The following CDK5RAP2 variants were observed in gnomAD, a reference collection of about 807,000 sequenced individuals.
CDK5RAP2 encodes the protein CDK5 regulatory subunit-associated protein 2.
A neutral mutation model predicts 232.9 loss-of-function variants in CDK5RAP2; 147 were observed. The observed-to-expected ratio is 0.63, with a 90% CI of 0.55 to 0.72. The LOEUF is 0.72. Ranked by LOEUF, CDK5RAP2 falls within the 30% of genes least tolerant of loss-of-function variation. CDK5RAP2 has a pLI of 0.00. For missense variants in CDK5RAP2, 2,195 were observed against 2,231.5 expected, an observed-to-expected ratio of 0.98 and a Z score of 0.33; for synonymous variants, 833 against 833.7, an observed-to-expected ratio of 1.00 and a Z score of 0.01.
At chr9:120,504,604 A>C (rs749570757) in intron 12 of CDK5RAP2, among the ~76,000 whole-genome samples, 1 of 152,094 alleles carries the variant, frequency 6.6e-6, no homozygotes, top group Non-Finnish European at 1.5e-5. Flanking sequence ...CACCCCACTA[A>C]ACCACATGTA....
intron 23 of CDK5RAP2, chr9:120,440,291 A>G (rs2035825725): frequency 2.6e-6 from 1 of 379,204 alleles, no homozygotes; most frequent in Non-Finnish European, 5.0e-6. Flanking sequence ...CAGTATCTAC[A>G]TGAGACCTTC....
intron 1 of CDK5RAP2, among the ~76,000 whole-genome samples, chr9:120,575,345 G>C (rs1389190982): frequency 6.6e-6 from 1 of 152,122 alleles, no homozygotes; most frequent in Admixed American, 6.5e-5. Context: ...GAGCCACCGC[G>C]CCCAGCTGTA....
Position 120,518,580 on chromosome 9 carries a change from T to C in CDK5RAP2, c.1158A>G (p.Gln386=). The C allele has an allele frequency of 6.2e-7, 1 of 1,613,748 alleles. No individual in the cohort carries two copies. Among genetic ancestry groups the C allele is most frequent in the Non-Finnish European group, 8.5e-7 (1 of 1,179,970 alleles). Residue 386 remains glutamine (Q), a synonymous_variant, in exon 12 of 38, where the codon CAA becomes CAG. Transcript: ENST00000349780. ...KEALSAALRS[Q]NLTKSTENHR... is the part of the protein sequence containing the mutation. ...GGTTCTCTGTACTCTTGGTGAGGTTTTGTGAGCGCAGCGCAGCCGAAAGGG... is the reference window on the plus strand; with the variant it reads ...GGTTCTCTGTACTCTTGGTGAGGTTCTGTGAGCGCAGCGCAGCCGAAAGGG...
At chr9:120,560,710 G>A (rs541432361) in intron 3 of CDK5RAP2, among the ~76,000 whole-genome samples, 24 of 152,152 alleles carry the variant, frequency 1.6e-4, no homozygotes, top group African/African-American at 4.6e-4. Flanking sequence ...TCCGCCTTCC[G>A]GGCTCAAGCG....
intron 31 of CDK5RAP2, 55 bp downstream of exon 31, chr9:120,408,292 G>T: frequency 6.2e-7 from 1 of 1,608,482 alleles, no homozygotes; most frequent in South Asian, 1.1e-5. Flanking sequence ...GCCAGCTGTC[G>T]GGTGGTCTTA....
chr9:120,499,627 C>T (rs1003681006), intron 12 of CDK5RAP2, among the ~76,000 whole-genome samples: 2 of 151,878 alleles, frequency 1.3e-5, no homozygotes, highest in African/African-American at 4.8e-5. Flanking sequence ...AACAGCCAGA[C>T]CAAGAACCTA....
intron 35 of CDK5RAP2, among the ~76,000 whole-genome samples, chr9:120,398,877 T>G (rs558799257): frequency 4.5e-4 from 69 of 152,304 alleles, no homozygotes; most frequent in African/African-American, 1.5e-3. Context: ...GAAAACCAGA[T>G]AGTTCAAAAA....
At chr9:120,579,527 G>A (rs2132259872) in intron 1 of CDK5RAP2, among the ~76,000 whole-genome samples, 1 of 152,234 alleles carries the variant, frequency 6.6e-6, no homozygotes. Context: ...GGGCATACCG[G>A]CTACACTCTC....
intron 3 of CDK5RAP2, 64 bp downstream of exon 3, chr9:120,568,257 G>T: frequency 1.6e-6 from 2 of 1,269,070 alleles, no homozygotes; most frequent in Non-Finnish European, 2.3e-6. Context: ...GCTTTCCTGG[G>T]TCTGGCTGGA....
chr9:120,397,561 AAAAAGAAAAAAG>A (rs1564165322), intron 35 of CDK5RAP2, among the ~76,000 whole-genome samples: 10 of 131,160 alleles, frequency 7.6e-5, no homozygotes, highest in Middle Eastern at 4.6e-3. Flanking sequence ...AAAAAAAAAA[AAAAAGAAAAAAG>A]AAAAAAAAAA....
chr9:120,447,487 A>C (rs1287750908), intron 22 of CDK5RAP2, among the ~76,000 whole-genome samples: 1 of 152,208 alleles, frequency 6.6e-6, no homozygotes, highest in African/African-American at 2.4e-5. Flanking sequence ...CAAGGTTAGT[A>C]AGGTTTGGAA....
At position 120,528,758 on chromosome 9, in the gene CDK5RAP2, C is replaced by G. The variant is rs4836822; in HGVS notation, c.865G>C (p.Glu289Gln). The stretch of plus-strand genomic sequence containing the variant: ...TATCAACATACCTGGATCCTCTCTT[C>G]AAAGCTGTTTCTCTCCTTCTGATGC... ...MEHQKERNSF[E>Q]ERIQALEEDL... The change falls in exon 9 of 38, where the codon GAA becomes CAA. Residue 289 changes from glutamate (E) to glutamine (Q), a missense_variant. Glu to Gln is a conservative substitution (Grantham distance 29). Transcript: ENST00000349780. The G allele has an allele frequency of 0.91, 1,453,779 of 1,606,270 alleles. 661,610 individuals carry two copies. The highest frequency in any genetic ancestry group is 0.93 in the Non-Finnish European group (1,091,154 of 1,173,030).
chr9:120,467,804 C>G, intron 18 of CDK5RAP2, 56 bp downstream of exon 18: 1 of 1,595,206 alleles, frequency 6.3e-7, no homozygotes, highest in South Asian at 1.1e-5. Context: ...AGCCACCATA[C>G]CAAGCCGGTT....
intron 3 of CDK5RAP2, among the ~76,000 whole-genome samples, chr9:120,553,222 C>T (rs927530443): frequency 6.6e-6 from 1 of 152,126 alleles, no homozygotes; most frequent in Admixed American, 6.5e-5. Context: ...TTCTGTCTGA[C>T]TCCAGTAACT....
chr9:120,483,922 C>T (rs1015025491), intron 14 of CDK5RAP2, among the ~76,000 whole-genome samples: 1 of 152,178 alleles, frequency 6.6e-6, no homozygotes, highest in Admixed American at 6.5e-5. Flanking sequence ...TAGATGGTGT[C>T]TATTTCAGTA....
intron 26 of CDK5RAP2, among the ~76,000 whole-genome samples, chr9:120,422,344 G>A (rs1389161906): frequency 6.6e-6 from 1 of 152,174 alleles, no homozygotes; most frequent in African/African-American, 2.4e-5. Flanking sequence ...GAATGGGCAG[G>A]GGAGAAGAGA....
Position 120,437,352 on chromosome 9 carries a change from C to T in CDK5RAP2, c.3898G>A (p.Glu1300Lys). 1 of 1,614,110 alleles carries T rather than the reference C, an allele frequency of 6.2e-7. No individual in the cohort carries two copies. ...VDYCVAEGFQ[E>K]QLNQCAELLE... ...AGCTCAGCACATTGATTCAGCTGTT[C>T]CTGGAAACCCTCGGCCACACAGTAA... Residue 1300 changes from glutamate (E) to lysine (K), a missense_variant, in exon 25 of 38, where the codon GAA (glutamate) becomes AAA (lysine). Glu to Lys is a moderately conservative substitution (Grantham distance 56). Transcript: ENST00000349780.
At chr9:120,394,768 G>A in intron 35 of CDK5RAP2, 130 bp from the exon 36 acceptor site, 1 of 829,268 alleles carries the variant, frequency 1.2e-6, no homozygotes, top group African/African-American at 1.7e-5. Context: ...GAAACTAGAA[G>A]CCTTTTCCTG....
chr9:120,455,324 C>T (rs1030958393), intron 20 of CDK5RAP2, among the ~76,000 whole-genome samples: 4 of 143,670 alleles, frequency 2.8e-5, no homozygotes, highest in African/African-American at 7.8e-5. Context: ...AGGGGTGAGG[C>T]TGGAAAGATG....
Sources: allele counts gnomAD v4.1 joint callset (sites outside exome capture counted in the v4.1 genomes callset), GRCh38; gene constraint gnomAD v4.1.1; transcripts MANE v1.5; gene names NCBI Gene and HGNC (gene_info 2026-07-23, HGNC 2026-07-21).